The following FIGN variants were observed in gnomAD, a reference collection of about 807,000 sequenced individuals.
FIGN encodes fidgetin.
In FIGN, 11 loss-of-function variants were observed where a neutral mutation model predicts 51.3. The observed-to-expected ratio is 0.21, with a 90% CI of 0.13 to 0.35. The LOEUF (loss-of-function observed/expected upper bound fraction) is 0.35. Ranked by LOEUF, FIGN falls within the 10% of genes least tolerant of loss-of-function variation. FIGN has a pLI of 1.00. For missense variants in FIGN, 857 were observed against 943.6 expected (o/e 0.91, Z 1.20); for synonymous variants, 407 against 363.2 (o/e 1.12, Z -1.37).
chr2:163,611,911 TATGCA>T, intron 2 of FIGN, 105 bp from the exon 3 acceptor site: 1 of 698,196 alleles, frequency 1.4e-6, no homozygotes, highest in Non-Finnish European at 2.2e-6. Flanking sequence ...CCATTAATGA[TATGCA>T]TACTTTAAAA....
At chr2:163,674,746 T>A (rs1683930421) in intron 2 of FIGN, among the ~76,000 whole-genome samples, 1 of 152,196 alleles carries the variant, frequency 6.6e-6, no homozygotes, top group African/African-American at 2.4e-5. Context: ...AGTTTTTGGA[T>A]TTCTTTAGTG....
intron 2 of FIGN, among the ~76,000 whole-genome samples, chr2:163,657,500 C>CTGTG (rs72033079): frequency 0.5 from 73,322 of 147,302 alleles, 19,519 homozygotes; most frequent in Admixed American, 0.63. Context: ...CAGAGGGAGT[C>CTGTG]TGTGTGTGTG....
intron 2 of FIGN, among the ~76,000 whole-genome samples, chr2:163,614,878 C>A (rs1682845257): frequency 6.6e-6 from 1 of 151,918 alleles, no homozygotes; most frequent in African/African-American, 2.4e-5. Flanking sequence ...GTAATGTTTT[C>A]TTGTAAATAT....
At chr2:163,686,795 C>CAT (rs771554104) in intron 2 of FIGN, among the ~76,000 whole-genome samples, 3 of 150,218 alleles carry the variant, frequency 2.0e-5, no homozygotes, top group African/African-American at 4.9e-5. Context: ...CACACACACA[C>CAT]ATATATATAT....
chr2:163,707,557 A>T (rs1684520746), intron 2 of FIGN, among the ~76,000 whole-genome samples: 1 of 152,198 alleles, frequency 6.6e-6, no homozygotes, highest in South Asian at 2.1e-4. Context: ...GTGAAATTAT[A>T]CAACCAAAAC....
At chr2:163,734,622 G>GTT (rs1234528087) in intron 2 of FIGN, among the ~76,000 whole-genome samples, 25 of 147,844 alleles carry the variant, frequency 1.7e-4, no homozygotes, top group African/African-American at 6.0e-4. Flanking sequence ...GACTTCAGCA[G>GTT]TTATATATAT....
At chr2:163,612,694 G>T in intron 2 of FIGN, 1 of 279,306 alleles carries the variant, frequency 3.6e-6, no homozygotes. Context: ...AGGGGAGAAT[G>T]TGTGTGTGTG....
intron 2 of FIGN, among the ~76,000 whole-genome samples, chr2:163,658,691 C>G (rs762685989): frequency 8.5e-5 from 13 of 152,240 alleles, no homozygotes; most frequent in East Asian, 1.9e-4. Context: ...AGCACTCACT[C>G]TCTCCGGCAA....
At chr2:163,721,935 T>C (rs1168119540) in intron 2 of FIGN, among the ~76,000 whole-genome samples, 1 of 152,224 alleles carries the variant, frequency 6.6e-6, no homozygotes, top group African/African-American at 2.4e-5. Flanking sequence ...ATATGAAATA[T>C]AAATCTTGTC....
chr2:163,624,447 C>T (rs1394814323), intron 2 of FIGN, among the ~76,000 whole-genome samples: 2 of 151,020 alleles, frequency 1.3e-5, no homozygotes, highest in African/African-American at 4.9e-5. Flanking sequence ...AAAAGAGAGA[C>T]ACAAAAGGTG....
intron 2 of FIGN, among the ~76,000 whole-genome samples, chr2:163,687,799 G>A (rs996555872): frequency 1.1e-4 from 16 of 151,996 alleles, no homozygotes; most frequent in Non-Finnish European, 1.9e-4. Context: ...TTTCAAAGTA[G>A]AAATAAAAAT....
At chr2:163,617,532 T>G (rs183774332) in intron 2 of FIGN, among the ~76,000 whole-genome samples, 35 of 152,298 alleles carry the variant, frequency 2.3e-4, no homozygotes, top group African/African-American at 7.9e-4. Flanking sequence ...ACTTTTCGAT[T>G]GATGTTTCAC....
rs750122544 is a variant in FIGN at position 163,610,102 on chromosome 2, C to T, written c.1730G>A (p.Arg577His). ...ACTAACAAAAATCACCGAGGGCTGG[C>T]GACACCTGGCCACAAGAAAAGAGGC... ...IHASFLVARC[R>H]QPSVIFVSDI... The change falls in exon 3 of 3, where the codon CGC becomes CAC. Residue 577 changes from arginine to histidine, a missense_variant. Coordinates refer to ENST00000333129, the MANE Select transcript of FIGN (RefSeq NM_018086.4). 2.1e-5 allele frequency: 34 copies of T among 1,613,720 alleles called. No individual in the cohort carries two copies. The highest frequency in any genetic ancestry group is 6.7e-5 in the Admixed American group (4 of 59,992).
At chr2:163,697,799 A>G (rs563056440) in intron 2 of FIGN, among the ~76,000 whole-genome samples, 1 of 152,334 alleles carries the variant, frequency 6.6e-6, no homozygotes, top group Admixed American at 6.5e-5. Context: ...TTGAGGTTGT[A>G]TACTATAACA....
chr2:163,618,289 A>G (rs1234150626), intron 2 of FIGN, among the ~76,000 whole-genome samples: 1 of 152,192 alleles, frequency 6.6e-6, no homozygotes, highest in Non-Finnish European at 1.5e-5. Flanking sequence ...TATTCTAATT[A>G]TATAACAATA....
chr2:163,692,634 G>A (rs983240790), intron 2 of FIGN, among the ~76,000 whole-genome samples: 11 of 152,298 alleles, frequency 7.2e-5, no homozygotes, highest in Non-Finnish European at 1.3e-4. Context: ...GGTAATAGAG[G>A]AGACAGACTT....
intron 2 of FIGN, among the ~76,000 whole-genome samples, chr2:163,663,903 A>T (rs1051661441): frequency 6.6e-6 from 1 of 151,952 alleles, no homozygotes; most frequent in Non-Finnish European, 1.5e-5. Flanking sequence ...GAAAAGAAAA[A>T]AAAAAGATAG....
chr2:163,701,318 C>T (rs1476329382), intron 2 of FIGN, among the ~76,000 whole-genome samples: 1 of 152,138 alleles, frequency 6.6e-6, no homozygotes, highest in Admixed American at 6.6e-5. Context: ...AAATTGCAAG[C>T]AGCTACCCAA....
chr2:163,681,304 G>A (rs1684058033), intron 2 of FIGN, among the ~76,000 whole-genome samples: 1 of 152,164 alleles, frequency 6.6e-6, no homozygotes, highest in South Asian at 2.1e-4. Flanking sequence ...GGCTGGAATG[G>A]TCCTTGGAGT....
Sources: gnomAD v4.1 joint callset for allele counts (sites outside exome capture counted in the v4.1 genomes callset) on GRCh38, gnomAD v4.1.1 for gene constraint, MANE v1.5 for transcripts, NCBI Gene and HGNC (gene_info 2026-07-23, HGNC 2026-07-21) for gene names.